The following OSBP variants were observed in gnomAD, a reference collection of about 807,000 sequenced individuals.
The protein encoded by OSBP is oxysterol-binding protein 1.
A neutral mutation model predicts 96.6 loss-of-function variants in OSBP; 32 were observed. That is an observed-to-expected ratio of 0.33 (90% CI 0.25 to 0.45). The LOEUF (loss-of-function observed/expected upper bound fraction) is 0.45. OSBP is among the 20% of genes least tolerant of loss of function. The pLI is 1.00. For synonymous variants in OSBP, 369 were observed against 389.6 expected (o/e 0.95, Z 0.62); for missense variants, 653 against 1,029.7 (o/e 0.63, Z 5.01).
In OSBP at chr11:59,578,223, A is replaced by T; in HGVS notation, c.1986T>A (p.Asn662Lys). 6.2e-7 allele frequency: 1 copy of T among 1,613,522 alleles called. No individual in the cohort carries two copies. Residue 662 changes from asparagine to lysine, a missense_variant, in exon 12 of 14, where the codon AAT (asparagine) becomes AAA (lysine). Asn to Lys is a moderately conservative substitution (Grantham distance 94, BLOSUM62 0). Coordinates refer to ENST00000263847, the MANE Select transcript of OSBP (RefSeq NM_002556.3). ...GGCCTCTCTGTCGAGCATCACCCCC[A>T]TTTTCCCCAATGACTGGCTGTACTT... ...CFKVQPVIGE[N>K]GGDARQRGHE...
In OSBP at chr11:59,608,681, T is replaced by A; in HGVS notation, c.625A>T (p.Asn209Tyr). Residue 209 changes from asparagine (N) to tyrosine (Y), a missense_variant, in exon 3 of 14, where the codon AAT (asparagine) becomes TAT (tyrosine). Asn to Tyr is a moderately radical substitution (Grantham distance 143). Transcript: ENST00000263847. ...TTGCTAGAGAGGGTCCGAAGGGTAT[T>A]CTGCAGCTCAGTCTTGTCAGTTTGT... is the stretch of plus-strand genomic sequence containing the variant. ...VSQTDKTELQNTLRTLSSKVE... is the reference protein window; with the variant it reads ...VSQTDKTELQYTLRTLSSKVE... The A allele has an allele frequency of 1.2e-6, 2 of 1,613,638 alleles. No homozygotes were observed. Among genetic ancestry groups the A allele is most frequent in the African/African-American group, 1.3e-5 (1 of 75,052 alleles).
At position 59,581,475 on chromosome 11, in the gene OSBP, A is replaced by G. The variant is rs1391239184; in HGVS notation, c.1758T>C (p.Ile586=). 1.2e-6 allele frequency: 2 copies of G among 1,611,352 alleles called. No individual in the cohort carries two copies. Among genetic ancestry groups the G allele is most frequent in the Non-Finnish European group, 1.7e-6 (2 of 1,177,858 alleles). The change falls in exon 10 of 14, where the codon ATT becomes ATC. Residue 586 remains isoleucine, a synonymous_variant. Coordinates refer to ENST00000263847, the MANE Select transcript of OSBP (RefSeq NM_002556.3). ...KKVTTTVHNI[I]VGKLWIDQSG... ...CCTGATCTATCCACAACTTGCCCAC[A>G]ATAATGTTGTGTACAGTTGTGGTAA...
intron 7 of OSBP, 118 bp from the exon 8 acceptor site, chr11:59,594,373 G>A (rs964230853): frequency 5.3e-6 from 5 of 945,410 alleles, no homozygotes; most frequent in African/African-American, 1.7e-5. Context: ...TCAGTAGAGC[G>A]GCTCTAATAT....
At position 59,576,425 on chromosome 11, in the gene OSBP, GTC is replaced by G; in HGVS notation, c.*150_*151del. On this transcript the variant is annotated 3_prime_UTR_variant, in exon 14 of 14. Coordinates refer to ENST00000263847, the MANE Select transcript of OSBP (RefSeq NM_002556.3). ...CAACCAGCCAATCACCACCACTGGT[GTC>G]TCCTTCTGGTGATTGATTTGGAAAA... is the stretch of plus-strand genomic sequence containing the variant. 1.2e-6 allele frequency: 1 copy of G among 824,810 alleles called. No homozygotes were observed. Among genetic ancestry groups the G allele is most frequent in the Non-Finnish European group, 1.9e-6 (1 of 524,580 alleles). 51.1% of individuals were successfully genotyped at this position (824,810 alleles called of 1,614,324 possible).
At chr11:59,590,857 C>T (rs1860569758) in intron 9 of OSBP, among the ~76,000 whole-genome samples, 1 of 152,218 alleles carries the variant, frequency 6.6e-6, no homozygotes, top group Admixed American at 6.5e-5. Flanking sequence ...GTGTTAAATA[C>T]AGCCATCTCC....
Position 59,615,725 on chromosome 11 carries a change from C to A in OSBP, c.-61G>T. 1 of 1,248,688 alleles carries A rather than the reference C, an allele frequency of 8.0e-7. No individual in the cohort carries two copies. Among genetic ancestry groups the A allele is most frequent in the Non-Finnish European group, 1.0e-6 (1 of 996,338 alleles). 77.4% of individuals were successfully genotyped at this position (1,248,688 alleles called of 1,614,324 possible). On this transcript the variant is annotated 5_prime_UTR_variant, in exon 1 of 14. Coordinates refer to ENST00000263847, the MANE Select transcript of OSBP (RefSeq NM_002556.3). ...GCCTACGAGAGCCGCCGTCGCCGCC[C>A]GGAGCGCCCCACACGGCTACCGCAT...
chr11:59,593,826 C>A (rs1013225727), intron 8 of OSBP, 102 bp from the exon 9 acceptor site: 8 of 1,509,312 alleles, frequency 5.3e-6, no homozygotes, highest in African/African-American at 4.2e-5. Flanking sequence ...GACGTTTTTA[C>A]ACCCACAACA....
At chr11:59,584,020 AC>A (rs1860461853) in intron 9 of OSBP, among the ~76,000 whole-genome samples, 1 of 142,858 alleles carries the variant, frequency 7.0e-6, no homozygotes, top group East Asian at 2.0e-4. Flanking sequence ...ATCGTAGTTC[AC>A]TGCAAACTTG....
intron 9 of OSBP, among the ~76,000 whole-genome samples, chr11:59,590,543 A>C (rs1457637213): frequency 6.6e-6 from 1 of 152,224 alleles, no homozygotes; most frequent in African/African-American, 2.4e-5. Flanking sequence ...TGAATGAGTT[A>C]ATACATGAAA....
Position 59,588,032 on chromosome 11 carries a change from G to A in OSBP, c.1678+5572C>T, listed in dbSNP as rs189485683. ...GCAAAATGTGTACATACACACAATA[G>A]GATAAATATTATTCAGCCTTAAAAT... On this transcript the variant is annotated intron_variant, in intron 9 of 13. Transcript: ENST00000263847. Among the ~76,000 whole-genome samples, 413 of 152,240 alleles carry A rather than the reference G, an allele frequency of 2.7e-3. 3 individuals carry two copies. The highest frequency in any genetic ancestry group is 8.8e-3 in the African/African-American group (365 of 41,550).
intron 9 of OSBP, among the ~76,000 whole-genome samples, chr11:59,592,073 C>T (rs959629397): frequency 6.6e-6 from 1 of 152,178 alleles, no homozygotes; most frequent in African/African-American, 2.4e-5. Context: ...TATGGTGAAA[C>T]ATCACATTGC....
rs773362900 is a variant in OSBP, at chr11:59,608,656, T to G, written c.650A>C (p.Lys217Thr). The change falls in exon 3 of 14, where the codon AAA becomes ACA. Residue 217 changes from lysine to threonine, a missense_variant. By Grantham distance (78) the Lys-to-Thr change is moderately conservative. Around this residue, in one of 6 missense-constraint regions of OSBP, gnomAD observed 308 missense variants for 573.1 expected, o/e 0.54. Coordinates refer to ENST00000263847, the MANE Select transcript of OSBP (RefSeq NM_002556.3). The stretch of plus-strand genomic sequence containing the variant: ...ATTGCACGTGCTCAAGTCCTCTACT[T>G]TGCTAGAGAGGGTCCGAAGGGTATT... Reference protein sequence around the residue: ...LQNTLRTLSSKVEDLSTCNDL... With the variant: ...LQNTLRTLSSTVEDLSTCNDL... The G allele has an allele frequency of 6.2e-7, 1 of 1,614,106 alleles. No individual in the cohort carries two copies. Among genetic ancestry groups the G allele is most frequent in the East Asian group, 2.2e-5 (1 of 44,892 alleles).
At chr11:59,582,155 G>A (rs188590899) in intron 9 of OSBP, among the ~76,000 whole-genome samples, 127 of 152,256 alleles carry the variant, frequency 8.3e-4, no homozygotes, top group African/African-American at 2.9e-3. Flanking sequence ...TGTTATTTAC[G>A]GTGGACCTTG....
chr11:59,588,327 A>G (rs1225318166), intron 9 of OSBP, among the ~76,000 whole-genome samples: 1 of 152,070 alleles, frequency 6.6e-6, no homozygotes, highest in African/African-American at 2.4e-5. Flanking sequence ...TGAGGTCAGG[A>G]GTTCAAGAAC....
At chr11:59,577,057 A>G in intron 12 of OSBP, 32 bp from the exon 13 acceptor site, 2 of 1,578,878 alleles carry the variant, frequency 1.3e-6, no homozygotes, top group Non-Finnish European at 1.7e-6. Context: ...AAGAAATGGT[A>G]ATCCCAGAGC....
intron 9 of OSBP, among the ~76,000 whole-genome samples, chr11:59,586,838 A>G (rs935097358): frequency 6.6e-6 from 1 of 152,236 alleles, no homozygotes; most frequent in Non-Finnish European, 1.5e-5. Context: ...GAATGAAGTT[A>G]GACCTTTATC....
chr11:59,574,676 G>A lies in OSBP; in HGVS notation c.*1901C>T, dbSNP rs1017598212. On this transcript the variant is annotated 3_prime_UTR_variant, in exon 14 of 14. Coordinates refer to ENST00000263847, the MANE Select transcript of OSBP (RefSeq NM_002556.3). ...CCCCGGATGAGGTCACTGCTTTTAT[G>A]AGCCTCCTTGAAAGAAGCCTTGACA... 2.6e-5 allele frequency: 4 copies of A among 152,574 alleles called. No homozygotes were observed. The highest frequency in any genetic ancestry group is 6.5e-5 in the Admixed American group (1 of 15,280). 9.5% of individuals were successfully genotyped at this position (152,574 alleles called of 1,614,324 possible). A position where few individuals can be genotyped will look rare whatever the true frequency, so the allele number is the denominator to read the frequency against.
chr11:59,597,441 T>C (rs983976673), intron 7 of OSBP, among the ~76,000 whole-genome samples: 14 of 152,144 alleles, frequency 9.2e-5, no homozygotes, highest in African/African-American at 1.9e-4. Context: ...TCAAGGCACC[T>C]AATACTCCAG....
At chr11:59,583,936 T>C (rs1388423510) in intron 9 of OSBP, among the ~76,000 whole-genome samples, 8 of 144,226 alleles carry the variant, frequency 5.5e-5, no homozygotes, top group South Asian at 2.1e-4. Context: ...CCACACCTGA[T>C]GGTGTTTTTT....
Sources: gnomAD v4.1 joint callset for allele counts (sites outside exome capture counted in the v4.1 genomes callset) on GRCh38, gnomAD v4.1.1 for gene constraint, gnomAD v4.1.1 regional missense constraint, MANE v1.5 for transcripts, NCBI Gene and HGNC (gene_info 2026-07-23, HGNC 2026-07-21) for gene names.